Variants in GNAT1 observed in about 807,000 individuals in gnomAD.
The protein encoded by GNAT1 is guanine nucleotide-binding protein G(t) subunit alpha-1.
In GNAT1, 36 loss-of-function variants were observed where a neutral mutation model predicts 40.0. The observed-to-expected ratio is 0.90, with a 90% confidence interval of 0.69 to 1.19. The LOEUF (loss-of-function observed/expected upper bound fraction) is 1.19, where lower values mean the gene tolerates loss of function less well. Among genes scored for constraint, GNAT1 ranks in the 50% most tolerant of loss-of-function variants. The pLI, the probability that GNAT1 is intolerant of heterozygous loss-of-function variation, is 0.00. For synonymous variants in GNAT1, 195 were observed against 192.9 expected (o/e 1.01, Z -0.09); for missense variants, 413 against 480.6 (o/e 0.86, Z 1.32).
Position 50,193,626 on chromosome 3 carries a change from C to G in GNAT1, c.412C>G (p.Arg138Gly), listed in dbSNP as rs1268403135. Reference sequence around the variant, plus strand: ...CTCCGGTATCCAGGCCTGTTTTGAGCGCGCCTCGGAGTACCAGCTCAACGA... The same window carrying G: ...CTCCGGTATCCAGGCCTGTTTTGAGGGCGCCTCGGAGTACCAGCTCAACGA... Reference protein sequence around the residue: ...KDSGIQACFERASEYQLNDSA... With the variant: ...KDSGIQACFEGASEYQLNDSA... The change falls in exon 4 of 9, where the codon CGC becomes GGC. Residue 138 changes from arginine to glycine, a missense_variant. By Grantham distance (125) the Arg-to-Gly change is moderately radical. Coordinates refer to ENST00000232461, the MANE Select transcript of GNAT1 (RefSeq NM_144499.3). This position sits in a 1 kb window ranked among gnomAD's most constrained non-coding sequence, Gnocchi z 8.1. 4 of 1,612,250 alleles carry G rather than the reference C, an allele frequency of 2.5e-6. No individual in the cohort carries two copies. In the Admixed American group the frequency reaches 6.7e-5, roughly 27 times the overall value.
chr3:50,193,998 G>A lies in GNAT1; in HGVS notation c.579-94G>A. 1.2e-6 allele frequency: 2 copies of A among 1,602,670 alleles called. No homozygotes were observed. Among genetic ancestry groups the A allele is most frequent in the Non-Finnish European group, 1.7e-6 (2 of 1,170,274 alleles). Reference sequence around the variant, plus strand: ...TGATACCCCGCCAGCAGAAAGGGTGGTAGTCCCGGCCGAGAGCTCCCCGAC... The same window carrying A: ...TGATACCCCGCCAGCAGAAAGGGTGATAGTCCCGGCCGAGAGCTCCCCGAC... On this transcript the variant is annotated intron_variant, in intron 5 of 8. Transcript: ENST00000232461. The surrounding 1 kb of genome is among the most constrained non-coding windows in gnomAD (Gnocchi z 8.1).
chr3:50,193,952 C>G lies in GNAT1; in HGVS notation c.578+71C>G. On this transcript the variant is annotated intron_variant, in intron 5 of 8. Transcript: ENST00000232461. This position sits in a 1 kb window ranked among gnomAD's most constrained non-coding sequence, Gnocchi z 8.1. ...TCCTGCCCCGGGGACCCCATCCCTG[C>G]GATAGACCCTGCCCCTTCCCTGATA... The G allele has an allele frequency of 1.2e-6, 2 of 1,601,814 alleles. No homozygotes were observed. The highest frequency in any genetic ancestry group is 2.2e-5 in the South Asian group (2 of 90,838).
Position 50,194,282 on chromosome 3 carries a change from G to A in GNAT1, c.708+61G>A. ...GAGGAGGAGCTGCTGGTCCCTGGAGGCGGAGACCGCGCGCTGGGCTGGGGG... is the reference window on the plus strand; with the variant it reads ...GAGGAGGAGCTGCTGGTCCCTGGAGACGGAGACCGCGCGCTGGGCTGGGGG... On this transcript the variant is annotated intron_variant, in intron 6 of 8. Coordinates refer to ENST00000232461, the MANE Select transcript of GNAT1 (RefSeq NM_144499.3). This position sits in a 1 kb window ranked among gnomAD's most constrained non-coding sequence, Gnocchi z 6.1. 6.5e-7 allele frequency: 1 copy of A among 1,544,806 alleles called. No homozygotes were observed. The highest frequency in any genetic ancestry group is 8.8e-7 in the Non-Finnish European group (1 of 1,139,934).
chr3:50,192,506 C>T (rs575787066), intron 1 of GNAT1, among the ~76,000 whole-genome samples: 1 of 152,346 alleles, frequency 6.6e-6, no homozygotes, highest in Admixed American at 6.5e-5. Flanking sequence ...GGGGCTCCAC[C>T]CAAGCTCCCC....
chr3:50,197,459 T>A lies in GNAT1; in HGVS notation c.*2193T>A, dbSNP rs1159661892. 6.6e-6 allele frequency among the ~76,000 whole-genome samples: 1 copy of A among 152,208 alleles called. No homozygotes were observed. ...ATGTGACTGCTCTAAGTGCCTCAGA[T>A]GTGTGGGTCCATGAAGTCTTTGTCT... On this transcript the variant is annotated 3_prime_UTR_variant, in exon 9 of 9. Coordinates refer to ENST00000232461, the MANE Select transcript of GNAT1 (RefSeq NM_144499.3).
At position 50,193,936 on chromosome 3, in the gene GNAT1, G is replaced by A; in HGVS notation, c.578+55G>A. 6.2e-7 allele frequency: 1 copy of A among 1,608,988 alleles called. No individual in the cohort carries two copies. Among genetic ancestry groups the A allele is most frequent in the Non-Finnish European group, 8.5e-7 (1 of 1,176,144 alleles). ...ACTGCCCCAGGCCCCGTCCTGCCCCGGGGACCCCATCCCTGCGATAGACCC... is the reference window on the plus strand; with the variant it reads ...ACTGCCCCAGGCCCCGTCCTGCCCCAGGGACCCCATCCCTGCGATAGACCC... On this transcript the variant is annotated intron_variant, in intron 5 of 8. Transcript: ENST00000232461. The surrounding 1 kb of genome is among the most constrained non-coding windows in gnomAD (Gnocchi z 8.1).
intron 1 of GNAT1, among the ~76,000 whole-genome samples, chr3:50,192,410 C>A (rs573790839): frequency 6.6e-6 from 1 of 152,324 alleles, no homozygotes; most frequent in South Asian, 2.1e-4. Flanking sequence ...TCCACTGGAC[C>A]ATGGGCACTG....
chr3:50,194,845 A>T lies in GNAT1; in HGVS notation c.943A>T (p.Ile315Phe). 4 of 1,613,698 alleles carry T rather than the reference A, an allele frequency of 2.5e-6. No individual in the cohort carries two copies. The South Asian group carries it at 4.4e-5, about 18-fold the overall frequency. The change falls in exon 8 of 9, where the codon ATC becomes TTC. Residue 315 changes from isoleucine to phenylalanine, a missense_variant. Physicochemically the swap from Ile to Phe is conservative, Grantham distance 21 (BLOSUM62 0). Transcript: ENST00000232461. This position sits in a 1 kb window ranked among gnomAD's most constrained non-coding sequence, Gnocchi z 6.1. ...ELNMRRDVKE[I>F]YSHMTCATDT... is the part of the protein sequence containing the mutation. ...CAACATGCGGCGCGACGTGAAGGAGATCTATTCCCACATGACGTGCGCCAC... is the reference window on the plus strand; with the variant it reads ...CAACATGCGGCGCGACGTGAAGGAGTTCTATTCCCACATGACGTGCGCCAC...
chr3:50,194,374 C>G lies in GNAT1; in HGVS notation c.709-127C>G, dbSNP rs1699470462. On this transcript the variant is annotated intron_variant, in intron 6 of 8. Coordinates refer to ENST00000232461, the MANE Select transcript of GNAT1 (RefSeq NM_144499.3). The surrounding 1 kb of genome is among the most constrained non-coding windows in gnomAD (Gnocchi z 6.1). Reference sequence around the variant, plus strand: ...GCCCGGAGGCGTTCAGCAGGCCCATCTGGGGCAGTGCGGGGAGCCCTCTGA... The same window carrying G: ...GCCCGGAGGCGTTCAGCAGGCCCATGTGGGGCAGTGCGGGGAGCCCTCTGA... The G allele has an allele frequency of 2.2e-6, 3 of 1,391,028 alleles. No homozygotes were observed. Among genetic ancestry groups the G allele is most frequent in the African/African-American group, 1.4e-5 (1 of 69,988 alleles). 86.2% of individuals were successfully genotyped at this position (1,391,028 alleles called of 1,614,324 possible). A position where few individuals can be genotyped will look rare whatever the true frequency, so the allele number is the denominator to read the frequency against.
chr3:50,194,922 C>T lies in GNAT1; in HGVS notation c.1020C>T (p.Ile340=). The stretch of plus-strand genomic sequence containing the variant: ...TCGACGCTGTCACCGACATCATCAT[C>T]AAGGAGAACCTCAAAGACTGTGGCC... ...FVFDAVTDII[I]KENLKDCGLF is the part of the protein sequence containing the mutation. Residue 340 remains isoleucine, a synonymous_variant, in exon 8 of 9, where the codon ATC becomes ATT. Transcript: ENST00000232461. This position sits in a 1 kb window ranked among gnomAD's most constrained non-coding sequence, Gnocchi z 6.1. The T allele has an allele frequency of 6.2e-7, 1 of 1,613,800 alleles. No homozygotes were observed. The highest frequency in any genetic ancestry group is 8.5e-7 in the Non-Finnish European group (1 of 1,179,866).
Position 50,194,925 on chromosome 3 carries a change from G to A in GNAT1, c.1023G>A (p.Lys341=). Residue 341 remains lysine (K), a synonymous_variant, in exon 8 of 9, where the codon AAG becomes AAA. Transcript: ENST00000232461. This position sits in a 1 kb window ranked among gnomAD's most constrained non-coding sequence, Gnocchi z 6.1. ...ACGCTGTCACCGACATCATCATCAA[G>A]GAGAACCTCAAAGACTGTGGCCTCT... ...VFDAVTDIII[K]ENLKDCGLF The A allele has an allele frequency of 6.2e-7, 1 of 1,613,738 alleles. No homozygotes were observed. The highest frequency in any genetic ancestry group is 8.5e-7 in the Non-Finnish European group (1 of 1,179,878).
chr3:50,194,876 C>T lies in GNAT1; in HGVS notation c.974C>T (p.Thr325Met), dbSNP rs750079496. 6.2e-7 allele frequency: 1 copy of T among 1,613,878 alleles called. No homozygotes were observed. The highest frequency in any genetic ancestry group is 8.5e-7 in the Non-Finnish European group (1 of 1,179,860). ...IYSHMTCATD[T>M]QNVKFVFDAV... ...TCCCACATGACGTGCGCCACCGACA[C>T]GCAGAACGTCAAATTTGTCTTCGAC... Residue 325 changes from threonine (T) to methionine (M), a missense_variant, in exon 8 of 9, where the codon ACG becomes ATG. Transcript: ENST00000232461. The surrounding 1 kb of genome is among the most constrained non-coding windows in gnomAD (Gnocchi z 6.1).
At chr3:50,192,985 G>T (rs1699435419) in intron 1 of GNAT1, 148 bp from the exon 2 acceptor site, 22 of 725,676 alleles carry the variant, frequency 3.0e-5, no homozygotes, top group South Asian at 2.1e-4. Context: ...GGATGGGGGG[G>T]TAGGTGTGGC....
Position 50,196,422 on chromosome 3 carries a change from C to A in GNAT1, c.*1156C>A, listed in dbSNP as rs1023977090. On this transcript the variant is annotated 3_prime_UTR_variant, in exon 9 of 9. Transcript: ENST00000232461. ...CACAGGCCAGGGCCTGTGCTGCAGT[C>A]GGGGACAAGGAGCTTCCGTCTGGCA... 6.6e-6 allele frequency: 1 copy of A among 152,640 alleles called. No individual in the cohort carries two copies. The highest frequency in any genetic ancestry group is 2.4e-5 in the African/African-American group (1 of 41,452). The allele number at this position is 152,640 out of a possible 1,614,324, so 9.5% of individuals were successfully genotyped here. A position where few individuals can be genotyped will look rare whatever the true frequency, so the allele number is the denominator to read the frequency against.
rs776284952 is a variant in GNAT1, at chr3:50,194,173, C to A, written c.660C>A (p.Ile220=). The A allele has an allele frequency of 6.2e-7, 1 of 1,613,640 alleles. No individual in the cohort carries two copies. The highest frequency in any genetic ancestry group is 1.3e-5 in the African/African-American group (1 of 75,052). ...CFEGVTCIIF[I]AALSAYDMVL... ...AGGGCGTGACCTGCATCATCTTCAT[C>A]GCGGCGCTGAGCGCCTACGACATGG... The change falls in exon 6 of 9, where the codon ATC becomes ATA. Residue 220 remains isoleucine, a synonymous_variant. Transcript: ENST00000232461. This position sits in a 1 kb window ranked among gnomAD's most constrained non-coding sequence, Gnocchi z 6.1.
At position 50,194,266 on chromosome 3, in the gene GNAT1, C is replaced by A; in HGVS notation, c.708+45C>A. 1 of 1,565,864 alleles carries A rather than the reference C, an allele frequency of 6.4e-7. No individual in the cohort carries two copies. The highest frequency in any genetic ancestry group is 8.7e-7 in the Non-Finnish European group (1 of 1,154,280). On this transcript the variant is annotated intron_variant, in intron 6 of 8. Coordinates refer to ENST00000232461, the MANE Select transcript of GNAT1 (RefSeq NM_144499.3). This position sits in a 1 kb window ranked among gnomAD's most constrained non-coding sequence, Gnocchi z 6.1. ...TGTGTTCCAGGGGGGCGAGGAGGAG[C>A]TGCTGGTCCCTGGAGGCGGAGACCG...
Position 50,195,673 on chromosome 3 carries a change from C to T in GNAT1, c.*407C>T, listed in dbSNP as rs1299528447. On this transcript the variant is annotated 3_prime_UTR_variant, in exon 9 of 9. Transcript: ENST00000232461. ...CTGGGCTCAGCAAACAGCCCTCCCT[C>T]CCAGTATTTCATCAAGGACAGGGAA... 6.5e-6 allele frequency: 1 copy of T among 154,334 alleles called. No homozygotes were observed. Among genetic ancestry groups the T allele is most frequent in the Non-Finnish European group, 1.4e-5 (1 of 69,282 alleles). 9.6% of individuals were successfully genotyped at this position (154,334 alleles called of 1,614,324 possible).
intron 1 of GNAT1, 145 bp from the exon 2 acceptor site, chr3:50,192,988 G>A: frequency 1.3e-6 from 1 of 741,802 alleles, no homozygotes; most frequent in South Asian, 1.5e-5. Context: ...TGGGGGGGTA[G>A]GTGTGGCTAC....
At position 50,197,069 on chromosome 3, in the gene GNAT1, TC is replaced by T. The variant is rs1295848311; in HGVS notation, c.*1804del. On this transcript the variant is annotated 3_prime_UTR_variant, in exon 9 of 9. Coordinates refer to ENST00000232461, the MANE Select transcript of GNAT1 (RefSeq NM_144499.3). ...AATATTAGGATAATATTTTTAAAAA[TC>T]AAATGAATGCAAAACCCCACAATGA... is the stretch of plus-strand genomic sequence containing the variant. Among the ~76,000 whole-genome samples the T allele has an allele frequency of 1.3e-5, 2 of 152,068 alleles. No individual in the cohort carries two copies. The highest frequency in any genetic ancestry group is 4.8e-5 in the African/African-American group (2 of 41,384).
Sources: allele counts gnomAD v4.1 joint callset (sites outside exome capture counted in the v4.1 genomes callset), GRCh38; gene constraint gnomAD v4.1.1; non-coding constraint Gnocchi (gnomAD v3.1); transcripts MANE v1.5; gene names NCBI Gene and HGNC (gene_info 2026-07-23, HGNC 2026-07-21).